BLOC1S5: variants seen among roughly 807,000 people sequenced by gnomAD.
The protein encoded by BLOC1S5 is biogenesis of lysosome-related organelles complex 1 subunit 5.
Under a neutral mutation model 24.3 loss-of-function variants are expected in BLOC1S5, and 27 were observed. The observed-to-expected ratio is 1.11, with a 90% CI of 0.82 to 1.53. The LOEUF (loss-of-function observed/expected upper bound fraction) is 1.53. Ranked by LOEUF, BLOC1S5 falls within the 40% of genes most tolerant of loss-of-function variation. BLOC1S5 has a pLI of 0.00. For synonymous variants in BLOC1S5, 84 were observed against 74.5 expected (o/e 1.13, Z -0.66); for missense variants, 239 against 229.4 (o/e 1.04, Z -0.27).
At chr6:8,027,188 C>A in intron 3 of BLOC1S5, 1 of 307,978 alleles carries the variant, frequency 3.2e-6, no homozygotes, top group Middle Eastern at 9.5e-4. Context: ...ATTTTCTGTT[C>A]ATAAATGTTC....
chr6:8,058,675 G>A (rs898078795), intron 2 of BLOC1S5, among the ~76,000 whole-genome samples: 2 of 152,164 alleles, frequency 1.3e-5, no homozygotes, highest in East Asian at 3.9e-4. Context: ...GGGTTACAGA[G>A]CGTGACCCTG....
chr6:8,029,495 C>T (rs1049537588), intron 3 of BLOC1S5, among the ~76,000 whole-genome samples: 5 of 152,202 alleles, frequency 3.3e-5, no homozygotes, highest in Non-Finnish European at 5.9e-5. Context: ...CCATGGAAAG[C>T]ATTTGTGATA....
At chr6:8,043,003 C>T (rs1763745113) in intron 2 of BLOC1S5, among the ~76,000 whole-genome samples, 1 of 152,170 alleles carries the variant, frequency 6.6e-6, no homozygotes, top group South Asian at 2.1e-4. Context: ...CTGGGTTCCT[C>T]CAGACTGCTT....
chr6:8,018,884 T>C lies in BLOC1S5; in HGVS notation c.385-3056A>G, dbSNP rs1019158724. On this transcript the variant is annotated intron_variant, in intron 4 of 4. Transcript: ENST00000397457. ...CAGATTATTGTAATAATTCAAACAA[T>C]AGAGACAACTCAAGAGCAAGAGACT... Among the ~76,000 whole-genome samples the C allele has an allele frequency of 4.6e-5, 7 of 152,350 alleles. No individual in the cohort carries two copies. In the South Asian group the frequency reaches 1.0e-3, roughly 23 times the overall value.
At chr6:8,015,955 T>C in intron 4 of BLOC1S5, 127 bp from the exon 5 acceptor site, 1 of 797,286 alleles carries the variant, frequency 1.3e-6, no homozygotes, top group Admixed American at 3.2e-5. Flanking sequence ...TGTTATAATA[T>C]CCAAAAAAAG....
At chr6:8,039,856 A>G (rs1763619179) in intron 3 of BLOC1S5, among the ~76,000 whole-genome samples, 1 of 152,192 alleles carries the variant, frequency 6.6e-6, no homozygotes, top group South Asian at 2.1e-4. Context: ...TAAAACCACA[A>G]ATATGGAATT....
At chr6:8,063,791 T>A (rs1757342802) in intron 1 of BLOC1S5, among the ~76,000 whole-genome samples, 1 of 152,192 alleles carries the variant, frequency 6.6e-6, no homozygotes, top group South Asian at 2.1e-4. Flanking sequence ...TGAACGTGAA[T>A]GGTTCTTTAC....
intron 2 of BLOC1S5, among the ~76,000 whole-genome samples, chr6:8,060,408 C>T (rs1353644910): frequency 3.3e-5 from 5 of 152,112 alleles, no homozygotes; most frequent in Admixed American, 6.6e-5. Context: ...AGCTGGAGTG[C>T]GCTTTCCATG....
At chr6:8,019,940 A>C (rs1453556199) in intron 4 of BLOC1S5, among the ~76,000 whole-genome samples, 11 of 152,234 alleles carry the variant, frequency 7.2e-5, no homozygotes, top group Admixed American at 7.2e-4. Flanking sequence ...TCAGCCTTAT[A>C]GCAAAAGAGG....
chr6:8,018,231 T>C (rs1214450990), intron 4 of BLOC1S5, among the ~76,000 whole-genome samples: 2 of 152,218 alleles, frequency 1.3e-5, no homozygotes, highest in Non-Finnish European at 1.5e-5. Context: ...CTCCAAAAGA[T>C]GCATGAAGAG....
In BLOC1S5 at chr6:8,049,059, AGGGAGGGGAG is replaced by A. The variant is rs966105090; in HGVS notation, c.196-7801_196-7792del. ...AAGAAGAGGAGGGGAGGGGAGAGGA[AGGGAGGGGAG>A]GGGAGGGGGGAAAGAAAGAGGCCAG... On this transcript the variant is annotated intron_variant, in intron 2 of 4. Coordinates refer to ENST00000397457, the MANE Select transcript of BLOC1S5 (RefSeq NM_201280.3). Among the ~76,000 whole-genome samples the A allele has an allele frequency of 1.5e-3, 45 of 29,690 alleles. 1 individual carries two copies. Among genetic ancestry groups the A allele is most frequent in the African/African-American group, 4.7e-3 (42 of 8,868 alleles). 19.5% of individuals were successfully genotyped at this position (29,690 alleles called of 152,430 possible).
intron 4 of BLOC1S5, among the ~76,000 whole-genome samples, chr6:8,024,357 C>G (rs1408600362): frequency 6.6e-6 from 1 of 151,572 alleles, no homozygotes; most frequent in Non-Finnish European, 1.5e-5. Flanking sequence ...AAATCCCTGT[C>G]TCTACTAAAA....
chr6:8,064,259 C>A lies in BLOC1S5; in HGVS notation c.112+6G>T. The A allele has an allele frequency of 6.2e-7, 1 of 1,612,000 alleles. No homozygotes were observed. The highest frequency in any genetic ancestry group is 8.5e-7 in the Non-Finnish European group (1 of 1,178,664). Reference sequence around the variant, plus strand: ...CACCAGGAACTATAGCCCTGACACTCCGTACCCTTGATAATGAGGTGCGCT... The same window carrying A: ...CACCAGGAACTATAGCCCTGACACTACGTACCCTTGATAATGAGGTGCGCT... On this transcript the variant is annotated splice_donor_region_variant and intron_variant, in intron 1 of 4. Transcript: ENST00000397457.
At chr6:8,030,986 A>G (rs1161875334) in intron 3 of BLOC1S5, among the ~76,000 whole-genome samples, 1 of 152,218 alleles carries the variant, frequency 6.6e-6, no homozygotes, top group African/African-American at 2.4e-5. Context: ...ACCCTAAGGT[A>G]GTAAAAGCCA....
intron 2 of BLOC1S5, among the ~76,000 whole-genome samples, chr6:8,062,234 C>A (rs1051382191): frequency 2.0e-5 from 3 of 151,880 alleles, no homozygotes; most frequent in African/African-American, 7.3e-5. Flanking sequence ...AAACTCAGAC[C>A]CATCAATCTC....
At chr6:8,026,503 G>T in intron 3 of BLOC1S5, 78 bp from the exon 4 acceptor site, 1 of 1,132,728 alleles carries the variant, frequency 8.8e-7, no homozygotes. Context: ...GAGTGTGTGT[G>T]GAGAGTACAT....
At chr6:8,043,592 C>T (rs1208320927) in intron 2 of BLOC1S5, among the ~76,000 whole-genome samples, 3 of 152,262 alleles carry the variant, frequency 2.0e-5, no homozygotes, top group East Asian at 3.9e-4. Context: ...TCATTCAATG[C>T]AATGTGGTAC....
intron 4 of BLOC1S5, among the ~76,000 whole-genome samples, chr6:8,019,609 G>GC (rs1554137157): frequency 7.2e-5 from 3 of 41,548 alleles, no homozygotes; most frequent in Non-Finnish European, 8.7e-5. Flanking sequence ...AAGAAAAAAG[G>GC]GGGGGGGGGC....
At chr6:8,047,212 T>C (rs1763937652) in intron 2 of BLOC1S5, among the ~76,000 whole-genome samples, 1 of 104,658 alleles carries the variant, frequency 9.6e-6, no homozygotes, top group Non-Finnish European at 1.7e-5. Flanking sequence ...TCAACAGTAA[T>C]TTTTTTTTTT....
Sources: allele counts gnomAD v4.1 joint callset (sites outside exome capture counted in the v4.1 genomes callset), GRCh38; gene constraint gnomAD v4.1.1; transcripts MANE v1.5; gene names NCBI Gene and HGNC (gene_info 2026-07-23, HGNC 2026-07-21).